Variants in EYS observed in about 807,000 individuals in gnomAD.
The protein encoded by EYS is protein eyes shut homolog.
In EYS, 250 loss-of-function variants were observed where a neutral mutation model predicts 282.1. The observed-to-expected ratio is 0.89, with a 90% confidence interval of 0.80 to 0.98. The LOEUF (loss-of-function observed/expected upper bound fraction) is 0.98, where lower values mean the gene tolerates loss of function less well. Ranked by LOEUF, EYS falls within the 50% of genes least tolerant of loss-of-function variation. The pLI is 0.00. For missense variants in EYS, 4,016 were observed against 3,709.0 expected, an observed-to-expected ratio of 1.08 and a Z score of -2.15; for synonymous variants, 1,355 against 1,282.9, an observed-to-expected ratio of 1.06 and a Z score of -1.20.
intron 33 of EYS, among the ~76,000 whole-genome samples, chr6:64,036,435 G>T (rs530767266): frequency 6.6e-6 from 1 of 152,190 alleles, no homozygotes; most frequent in Non-Finnish European, 1.5e-5. Flanking sequence ...CATTGTTCCA[G>T]ACATTAGTGA....
At chr6:64,419,061 C>T (rs542937337) in intron 28 of EYS, among the ~76,000 whole-genome samples, 44 of 152,250 alleles carry the variant, frequency 2.9e-4, no homozygotes, top group Non-Finnish European at 4.3e-4. Context: ...TTTAAATATT[C>T]GCTATGGCTC....
intron 36 of EYS, among the ~76,000 whole-genome samples, chr6:63,830,677 C>A (rs1771606249): frequency 6.6e-6 from 1 of 152,066 alleles, no homozygotes; most frequent in Non-Finnish European, 1.5e-5. Flanking sequence ...CCCAACCTAG[C>A]AAGGCAGGCC....
At chr6:65,179,736 T>G (rs1765325283) in intron 12 of EYS, among the ~76,000 whole-genome samples, 2 of 152,072 alleles carry the variant, frequency 1.3e-5, no homozygotes, top group African/African-American at 4.8e-5. Context: ...TACCAAAGCC[T>G]GGCAGAGACA....
intron 30 of EYS, among the ~76,000 whole-genome samples, chr6:64,274,078 A>G (rs920784342): frequency 2.6e-5 from 4 of 152,132 alleles, no homozygotes; most frequent in African/African-American, 9.7e-5. Context: ...TGTTTCCCAG[A>G]TCCCAGCGTA....
intron 36 of EYS, among the ~76,000 whole-genome samples, chr6:63,851,936 T>A (rs1581894122): frequency 6.6e-6 from 1 of 152,068 alleles, no homozygotes; most frequent in African/African-American, 2.4e-5. Context: ...GGCGGGCAGA[T>A]CACGAGGTCA....
chr6:63,995,602 T>A (rs903993417), intron 34 of EYS, among the ~76,000 whole-genome samples: 9 of 152,042 alleles, frequency 5.9e-5, no homozygotes, highest in South Asian at 2.1e-4. Context: ...GAAGAGATTA[T>A]TTGCAGTTGG....
intron 12 of EYS, among the ~76,000 whole-genome samples, chr6:65,285,961 C>T (rs189447798): frequency 2.0e-5 from 3 of 151,912 alleles, no homozygotes; most frequent in East Asian, 1.9e-4. Context: ...CTTCACCCAT[C>T]GTGAGGTTGC....
Position 63,806,300 on chromosome 6 carries a change from C to G in EYS, c.7301G>C (p.Arg2434Pro). The G allele has an allele frequency of 6.4e-7, 1 of 1,551,580 alleles. No homozygotes were observed. Among genetic ancestry groups the G allele is most frequent in the South Asian group, 1.2e-5 (1 of 84,048 alleles). ...FGYTSFLAYS[R>P]ISDISFHYEF... ...ATAATGGAAGCTGATGTCTGAGATCCGTGAATAAGCCAGGAATGAGGTGTA... is the reference window on the plus strand; with the variant it reads ...ATAATGGAAGCTGATGTCTGAGATCGGTGAATAAGCCAGGAATGAGGTGTA... Residue 2434 changes from arginine to proline, a missense_variant, in exon 37 of 43, where the codon CGG (arginine) becomes CCG (proline). Arg to Pro is a moderately radical substitution (Grantham distance 103). Transcript: ENST00000503581.
At chr6:64,478,760 TTAACTC>T (rs1776352211) in intron 26 of EYS, among the ~76,000 whole-genome samples, 1 of 151,068 alleles carries the variant, frequency 6.6e-6, no homozygotes, top group African/African-American at 2.4e-5. Context: ...TTTTATCTGT[TTAACTC>T]TATTATTTAA....
Position 65,299,743 on chromosome 6 carries a change from T to C in EYS, c.1767-3624A>G, listed in dbSNP as rs181902295. ...ATAAGATGTTTAACTATTTTTGTGT[T>C]TTCATTTATCTCAATATTTCCAAAT... On this transcript the variant is annotated intron_variant, in intron 11 of 42. Coordinates refer to ENST00000503581, the MANE Select transcript of EYS (RefSeq NM_001142800.2). Among the ~76,000 whole-genome samples the C allele has an allele frequency of 2.1e-3, 314 of 152,268 alleles. 1 individual carries two copies. The highest frequency in any genetic ancestry group is 3.1e-3 in the Non-Finnish European group (209 of 68,008).
At chr6:64,567,510 G>C (rs1765600879) in intron 26 of EYS, among the ~76,000 whole-genome samples, 1 of 152,118 alleles carries the variant, frequency 6.6e-6, no homozygotes, top group African/African-American at 2.4e-5. Flanking sequence ...TCACTGTCCA[G>C]TGAAAGGAGA....
Position 65,402,508 on chromosome 6 carries a change from C to T in EYS, c.1154G>A (p.Cys385Tyr), listed in dbSNP as rs775400880. 9 of 1,529,462 alleles carry T rather than the reference C, an allele frequency of 5.9e-6. No individual in the cohort carries two copies. The highest frequency in any genetic ancestry group is 8.2e-6 in the Non-Finnish European group (9 of 1,104,222). 94.7% of individuals were successfully genotyped at this position (1,529,462 alleles called of 1,614,324 possible). A position where few individuals can be genotyped will look rare whatever the true frequency, so the allele number is the denominator to read the frequency against. Reference sequence around the variant, plus strand: ...AGGATAATCTTTCTCACATTTCTTACATGTAGCATTATTCCTCAAAGGAAA... The same window carrying T: ...AGGATAATCTTTCTCACATTTCTTATATGTAGCATTATTCCTCAAAGGAAA... ...ESFPLRNNAT[C>Y]KKCEKDYPCS... Residue 385 changes from cysteine (C) to tyrosine (Y), a missense_variant, in exon 7 of 43, where the codon TGT becomes TAT. Physicochemically the swap from Cys to Tyr is radical, Grantham distance 194. Coordinates refer to ENST00000503581, the MANE Select transcript of EYS (RefSeq NM_001142800.2).
chr6:64,473,767 C>T (rs1332903294), intron 26 of EYS, among the ~76,000 whole-genome samples: 1 of 152,158 alleles, frequency 6.6e-6, no homozygotes, highest in Non-Finnish European at 1.5e-5. Context: ...CACGGATCAC[C>T]AGCCAGAATG....
intron 31 of EYS, among the ~76,000 whole-genome samples, chr6:64,091,814 A>G (rs1298625287): frequency 6.6e-6 from 1 of 152,090 alleles, no homozygotes; most frequent in African/African-American, 2.4e-5. Flanking sequence ...GGTTTGTTAC[A>G]TATGTATACA....
In EYS at chr6:64,591,323, C is replaced by T. The variant is rs1289714142; in HGVS notation, c.4544G>A (p.Arg1515Gln). 5 of 1,551,232 alleles carry T rather than the reference C, an allele frequency of 3.2e-6. No individual in the cohort carries two copies. Among genetic ancestry groups the T allele is most frequent in the Admixed American group, 3.9e-5 (2 of 50,946 alleles). Residue 1515 changes from arginine to glutamine, a missense_variant, in exon 26 of 43, where the codon CGG becomes CAG. Coordinates refer to ENST00000503581, the MANE Select transcript of EYS (RefSeq NM_001142800.2). ...GGGATTGAAGGCTTTTGTACTGAAC[C>T]GGTGCAGAGCTGATGAGTTTAAGAT... ...VTILNSSALH[R>Q]FSTKAFNPSE...
At chr6:65,047,491 A>T (rs1773138405) in intron 13 of EYS, among the ~76,000 whole-genome samples, 1 of 151,968 alleles carries the variant, frequency 6.6e-6, no homozygotes, top group African/African-American at 2.4e-5. Flanking sequence ...TAAAAGATTT[A>T]TGATTATATG....
intron 19 of EYS, among the ~76,000 whole-genome samples, chr6:64,823,576 TCTA>T (rs1764962325): frequency 1.3e-5 from 2 of 151,972 alleles, no homozygotes; most frequent in Non-Finnish European, 2.9e-5. Context: ...CTAGCAAGCA[TCTA>T]CTAATAAAAA....
At chr6:64,030,717 T>C (rs1562162883) in intron 33 of EYS, among the ~76,000 whole-genome samples, 1 of 152,220 alleles carries the variant, frequency 6.6e-6, no homozygotes, top group Non-Finnish European at 1.5e-5. Flanking sequence ...GGACCCTGTA[T>C]TTTTAACCTG....
chr6:64,324,154 C>G (rs1770321591), intron 29 of EYS, among the ~76,000 whole-genome samples: 1 of 152,056 alleles, frequency 6.6e-6, no homozygotes. Context: ...CAGCCTAATA[C>G]CAAAATCTGG....
Sources: gnomAD v4.1 joint callset for allele counts (sites outside exome capture counted in the v4.1 genomes callset) on GRCh38, gnomAD v4.1.1 for gene constraint, MANE v1.5 for transcripts, NCBI Gene and HGNC (gene_info 2026-07-23, HGNC 2026-07-21) for gene names.